ABCG2: variants seen among roughly 807,000 people sequenced by gnomAD.
ABCG2 encodes the protein broad substrate specificity ATP-binding cassette transporter ABCG2.
Under a neutral mutation model 73.5 loss-of-function variants are expected in ABCG2, and 80 were observed. The ratio of observed to expected loss-of-function variants is 1.09; its 90% confidence interval spans 0.91 to 1.31. The LOEUF (loss-of-function observed/expected upper bound fraction) is 1.31. ABCG2 is among the 50% of genes most tolerant of loss of function. ABCG2 has a pLI of 0.00. For missense variants in ABCG2, 796 were observed against 786.2 expected, an observed-to-expected ratio of 1.01 and a Z score of -0.15; for synonymous variants, 269 against 282.4, an observed-to-expected ratio of 0.95 and a Z score of 0.48.
chr4:88,121,434 C>T (rs969964324), intron 6 of ABCG2, among the ~76,000 whole-genome samples: 1 of 152,168 alleles, frequency 6.6e-6, no homozygotes, highest in Non-Finnish European at 1.5e-5. Flanking sequence ...AACCCCCCTA[C>T]ACCCTCATCA....
In ABCG2 at chr4:88,094,614, G is replaced by A. The variant is rs760093269; in HGVS notation, c.1783C>T (p.Leu595Phe). The change falls in exon 15 of 16, where the codon CTC becomes TTC. Residue 595 changes from leucine (L) to phenylalanine (F), a missense_variant. Transcript: ENST00000237612. Reference protein sequence around the residue: ...EFLGQNFCPGLNATGNNPCNY... With the variant: ...EFLGQNFCPGFNATGNNPCNY... The stretch of plus-strand genomic sequence containing the variant: ...CAAGGATTGTTTCCTGTTGCATTGA[G>A]TCCTGGGCAGAAGTTTTGTCCCAAA... 12 of 1,613,948 alleles carry A rather than the reference G, an allele frequency of 7.4e-6. No homozygotes were observed. In the African/African-American group the frequency reaches 1.1e-4, roughly 14 times the overall value.
rs758456432 is a variant in ABCG2 at position 88,139,789 on chromosome 4, A to G, written c.203+4T>C. ...GCTGTCTTTTTACAAGTTCATGTAC[A>G]TACTTGATATTCGATAATATTTCTT... On this transcript the variant is annotated splice_donor_region_variant and intron_variant, in intron 2 of 15. Transcript: ENST00000237612. 6.2e-6 allele frequency: 10 copies of G among 1,612,626 alleles called. No homozygotes were observed. In the Admixed American group the frequency reaches 1.7e-4, roughly 27 times the overall value.
intron 1 of ABCG2, among the ~76,000 whole-genome samples, chr4:88,200,222 G>A (rs1249897361): frequency 6.6e-6 from 1 of 152,004 alleles, no homozygotes; most frequent in African/African-American, 2.4e-5. Flanking sequence ...CAGCTACTTG[G>A]GGGGCTGAGA....
chr4:88,131,783 G>A lies in ABCG2; in HGVS notation c.378+20C>T. Reference sequence around the variant, plus strand: ...TATAGAAACAGAGGAAACAGAAAATGCAAACCCACTAATACTTACTTGTAC... The same window carrying A: ...TATAGAAACAGAGGAAACAGAAAATACAAACCCACTAATACTTACTTGTAC... On this transcript the variant is annotated intron_variant, in intron 4 of 15. Transcript: ENST00000237612. 6.3e-7 allele frequency: 1 copy of A among 1,581,858 alleles called. No homozygotes were observed. The highest frequency in any genetic ancestry group is 8.7e-7 in the Non-Finnish European group (1 of 1,153,754).
intron 1 of ABCG2, among the ~76,000 whole-genome samples, chr4:88,223,193 T>G (rs1169072322): frequency 1.3e-5 from 2 of 152,218 alleles, no homozygotes; most frequent in Non-Finnish European, 2.9e-5. Flanking sequence ...CTTGGACTTT[T>G]GGGTTAATGC....
intron 4 of ABCG2, 98 bp downstream of exon 4, chr4:88,131,705 T>C: frequency 1.2e-6 from 1 of 818,756 alleles, no homozygotes; most frequent in Non-Finnish European, 2.0e-6. Context: ...TCTAGGACCA[T>C]GTCACATAAT....
intron 1 of ABCG2, chr4:88,220,529 T>C (rs560461987): frequency 4.6e-5 from 7 of 152,630 alleles, no homozygotes; most frequent in African/African-American, 1.7e-4. Flanking sequence ...AAAATGTGTT[T>C]ATTGGGGTGG....
intron 2 of ABCG2, among the ~76,000 whole-genome samples, chr4:88,134,016 A>G: frequency 6.6e-6 from 1 of 151,968 alleles, no homozygotes; most frequent in East Asian, 1.9e-4. Flanking sequence ...AAAAAGAAGA[A>G]GAAGAAAGGA....
intron 1 of ABCG2, among the ~76,000 whole-genome samples, chr4:88,170,640 GC>G (rs1247518775): frequency 3.0e-4 from 45 of 152,182 alleles, no homozygotes; most frequent in African/African-American, 1.1e-3. Flanking sequence ...TGAAACCCCT[GC>G]CCTCTCTCCA....
chr4:88,180,451 G>A (rs72659675), intron 1 of ABCG2, among the ~76,000 whole-genome samples: 14,302 of 152,232 alleles, frequency 0.094, 821 homozygotes, highest in East Asian at 0.23. Flanking sequence ...AGAAAAAAAC[G>A]TTGGCCAGGT....
chr4:88,093,149 T>C (rs1007824099), intron 15 of ABCG2, among the ~76,000 whole-genome samples: 2 of 152,218 alleles, frequency 1.3e-5, no homozygotes, highest in African/African-American at 2.4e-5. Context: ...ATACCATTTT[T>C]GTGCAACTCT....
intron 1 of ABCG2, among the ~76,000 whole-genome samples, chr4:88,214,765 G>A (rs543724125): frequency 9.2e-5 from 14 of 152,126 alleles, no homozygotes; most frequent in Non-Finnish European, 1.5e-4. Flanking sequence ...ACATGCCACC[G>A]CACTCAAATC....
intron 13 of ABCG2, 147 bp from the exon 14 acceptor site, chr4:88,095,756 A>G: frequency 1.6e-6 from 1 of 641,240 alleles, no homozygotes; most frequent in East Asian, 2.8e-5. Context: ...TACTCAAGAC[A>G]CTCACTAAAC....
At position 88,148,374 on chromosome 4, in the gene ABCG2, G is replaced by A. The variant is rs1416405714; in HGVS notation, c.-19-8360C>T. Among the ~76,000 whole-genome samples the A allele has an allele frequency of 7.9e-5, 12 of 152,158 alleles. No individual in the cohort carries two copies. In the East Asian group the frequency reaches 2.3e-3, roughly 29 times the overall value. On this transcript the variant is annotated intron_variant, in intron 1 of 15. Transcript: ENST00000237612. ...TCCTTAATCGAAAGAGATATGTTGG[G>A]TCATGTATACCATTCATGAGGCTGG... is the stretch of plus-strand genomic sequence containing the variant.
intron 11 of ABCG2, among the ~76,000 whole-genome samples, chr4:88,100,688 A>C (rs143510525): frequency 4.6e-4 from 70 of 152,152 alleles, no homozygotes; most frequent in Middle Eastern, 3.4e-3. Flanking sequence ...AAATACAATA[A>C]ATTAAACCAG....
chr4:88,096,691 C>T (rs1722007093), intron 13 of ABCG2, among the ~76,000 whole-genome samples: 1 of 151,878 alleles, frequency 6.6e-6, no homozygotes, highest in African/African-American at 2.4e-5. Flanking sequence ...TTTCATTCAC[C>T]TGTTGATTCC....
chr4:88,203,026 T>A (rs1350075180), intron 1 of ABCG2, among the ~76,000 whole-genome samples: 1 of 152,204 alleles, frequency 6.6e-6, no homozygotes, highest in Non-Finnish European at 1.5e-5. Flanking sequence ...TAGATGTAAA[T>A]TAATTAATTA....
At position 88,143,533 on chromosome 4, in the gene ABCG2, C is replaced by G. The variant is rs45537743; in HGVS notation, c.-19-3519G>C. 3.6e-3 allele frequency among the ~76,000 whole-genome samples: 548 copies of G among 152,238 alleles called. 6 individuals carry two copies. Among genetic ancestry groups the G allele is most frequent in the African/African-American group, 0.012 (519 of 41,536 alleles). On this transcript the variant is annotated intron_variant, in intron 1 of 15. Transcript: ENST00000237612. ...TAAAGTACCCAAGAAAGAGTGATCA[C>G]CCATGCCCATACAAGACAGAGGGTA...
chr4:88,107,093 T>C lies in ABCG2; in HGVS notation c.1277+91A>G, dbSNP rs954356901. 55 of 957,684 alleles carry C rather than the reference T, an allele frequency of 5.7e-5. 1 individual carries two copies. Among genetic ancestry groups the C allele is most frequent in the Non-Finnish European group, 8.8e-5 (55 of 623,932 alleles). The allele number at this position is 957,684 out of a possible 1,614,324, so 59.3% of individuals were successfully genotyped here. A position where few individuals can be genotyped will look rare whatever the true frequency, so the allele number is the denominator to read the frequency against. ...CAATAAAAGAATGACATTTACACTA[T>C]ACTTGTCTTAAATTCAAATTCTTAA... On this transcript the variant is annotated intron_variant, in intron 10 of 15. Coordinates refer to ENST00000237612, the MANE Select transcript of ABCG2 (RefSeq NM_004827.3).
Sources: allele counts gnomAD v4.1 joint callset (sites outside exome capture counted in the v4.1 genomes callset), GRCh38; gene constraint gnomAD v4.1.1; transcripts MANE v1.5; gene names NCBI Gene and HGNC (gene_info 2026-07-23, HGNC 2026-07-21).